The following SETDB1 variants were observed in gnomAD, a reference collection of about 807,000 sequenced individuals.
SETDB1 encodes the protein SET domain bifurcated histone lysine methyltransferase 1, also known as histone-lysine N-methyltransferase SETDB1.
SETDB1 carries 31 observed loss-of-function variants against 137.4 expected under a neutral mutation model. That is an observed-to-expected ratio of 0.23 (90% CI 0.17 to 0.30). The LOEUF is 0.30. Among genes scored for constraint, SETDB1 ranks in the 10% least tolerant of loss-of-function variants. The probability of loss-of-function intolerance (pLI) is 1.00; values close to 1 mark genes in which losing one functional copy is unlikely to be tolerated. For synonymous variants in SETDB1, 548 were observed against 579.9 expected (o/e 0.95, Z 0.79); for missense variants, 1,113 against 1,631.5 (o/e 0.68, Z 5.47).
intron 4 of SETDB1, among the ~76,000 whole-genome samples, chr1:150,940,261 G>T (rs1410424177): frequency 6.6e-6 from 1 of 151,978 alleles, no homozygotes; most frequent in Non-Finnish European, 1.5e-5. Flanking sequence ...TTTGAACTAG[G>T]TTTCTAAGCA....
chr1:150,934,631 G>A (rs1476472813), intron 3 of SETDB1, among the ~76,000 whole-genome samples: 2 of 152,022 alleles, frequency 1.3e-5, no homozygotes, highest in African/African-American at 2.4e-5. Context: ...GTTTAAAGAA[G>A]GTAAGGGAAG....
intron 3 of SETDB1, among the ~76,000 whole-genome samples, chr1:150,938,138 T>G (rs587722687): frequency 3.1e-4 from 47 of 151,920 alleles, no homozygotes; most frequent in Admixed American, 3.1e-3. Context: ...GAAGAATCAC[T>G]TGAACCCAGG....
chr1:150,962,918 C>A, intron 18 of SETDB1, 56 bp from the exon 19 acceptor site: 1 of 1,589,550 alleles, frequency 6.3e-7, no homozygotes, highest in Non-Finnish European at 8.6e-7. Flanking sequence ...ACAGCAAGGA[C>A]TTAAAGGAGC....
intron 3 of SETDB1, among the ~76,000 whole-genome samples, chr1:150,934,305 T>TA (rs1669878787): frequency 6.6e-6 from 1 of 152,042 alleles, no homozygotes; most frequent in South Asian, 2.1e-4. Context: ...ACCCCGTCTC[T>TA]ACTAAAAATA....
In SETDB1 at chr1:150,940,074, C is replaced by G. The variant is rs937977400; in HGVS notation, c.447+100C>G. ...ATCAGTTTAGCTGTCAGTATCTAAT[C>G]ATTCACCCTGTGATCAGCCCTTTGC... On this transcript the variant is annotated intron_variant, in intron 4 of 21. Coordinates refer to ENST00000692827, the MANE Select transcript of SETDB1 (RefSeq NM_001366418.1). 7.2e-5 allele frequency: 57 copies of G among 795,634 alleles called. No homozygotes were observed. In the African/African-American group the frequency reaches 8.0e-4, roughly 11 times the overall value. The allele number at this position is 795,634 out of a possible 1,614,324, so 49.3% of individuals were successfully genotyped here.
chr1:150,930,136 G>T lies in SETDB1; in HGVS notation c.412+18G>T, dbSNP rs1253935980. 1 of 1,605,110 alleles carries T rather than the reference G, an allele frequency of 6.2e-7. No homozygotes were observed. The highest frequency in any genetic ancestry group is 8.5e-7 in the Non-Finnish European group (1 of 1,174,174). ...TGATTCAGGTAAGGGATGAGCTTTG[G>T]ATAGGAGAGTCTCAGGACTGAAGTT... On this transcript the variant is annotated intron_variant, in intron 3 of 21. Coordinates refer to ENST00000692827, the MANE Select transcript of SETDB1 (RefSeq NM_001366418.1).
chr1:150,935,737 GTTGA>G (rs1329007529), intron 3 of SETDB1, among the ~76,000 whole-genome samples: 2 of 152,042 alleles, frequency 1.3e-5, no homozygotes, highest in Non-Finnish European at 2.9e-5. Context: ...AGATTCTCTT[GTTGA>G]TTAAGTATTA....
intron 14 of SETDB1, among the ~76,000 whole-genome samples, chr1:150,956,667 C>G (rs1374032800): frequency 6.6e-6 from 1 of 151,954 alleles, no homozygotes; most frequent in Non-Finnish European, 1.5e-5. Flanking sequence ...TATAGACTTA[C>G]GTGTACTTTC....
intron 9 of SETDB1, among the ~76,000 whole-genome samples, chr1:150,946,652 T>A (rs1323494819): frequency 3.3e-5 from 5 of 152,262 alleles, no homozygotes; most frequent in African/African-American, 9.6e-5. Context: ...TTCTCCATGT[T>A]GGTCAGGCTG....
chr1:150,933,304 C>T (rs1558011846), intron 3 of SETDB1, among the ~76,000 whole-genome samples: 1 of 151,758 alleles, frequency 6.6e-6, no homozygotes, highest in East Asian at 1.9e-4. Context: ...AGGCAATCCT[C>T]CTGCCTTGGC....
At chr1:150,963,193 T>C in intron 19 of SETDB1, 54 bp downstream of exon 19, 2 of 1,524,754 alleles carry the variant, frequency 1.3e-6, no homozygotes, top group Non-Finnish European at 9.0e-7. Flanking sequence ...AAACTTGGGA[T>C]AGAGCATTTT....
intron 3 of SETDB1, among the ~76,000 whole-genome samples, chr1:150,934,899 G>GCA (rs1215500388): frequency 6.6e-6 from 1 of 151,402 alleles, no homozygotes; most frequent in Non-Finnish European, 1.5e-5. Flanking sequence ...TCAGCTCACT[G>GCA]CATCCTCCAC....
chr1:150,939,843 C>T, intron 3 of SETDB1, 97 bp from the exon 4 acceptor site: 1 of 774,570 alleles, frequency 1.3e-6, no homozygotes, highest in Non-Finnish European at 2.2e-6. Flanking sequence ...GTTGATAATG[C>T]TCCCATAATA....
intron 4 of SETDB1, 126 bp from the exon 5 acceptor site, chr1:150,941,203 C>A (rs1023138493): frequency 5.0e-6 from 3 of 595,720 alleles, no homozygotes; most frequent in South Asian, 2.1e-5. Flanking sequence ...GATAAAGTAA[C>A]CATAAGCTTC....
At chr1:150,926,950 C>A in intron 1 of SETDB1, 1 of 432,480 alleles carries the variant, frequency 2.3e-6, no homozygotes. Flanking sequence ...ATAAGGGGAA[C>A]AAGTAATGAA....
intron 14 of SETDB1, among the ~76,000 whole-genome samples, chr1:150,956,506 C>A (rs1032715869): frequency 3.9e-5 from 6 of 152,152 alleles, no homozygotes; most frequent in African/African-American, 1.4e-4. Context: ...CCTGCCCCTA[C>A]TGAGCTGATC....
intron 3 of SETDB1, chr1:150,930,461 C>T (rs980657296): frequency 4.2e-5 from 7 of 165,640 alleles, no homozygotes; most frequent in East Asian, 1.7e-4. Context: ...TCTTGTAGCC[C>T]GCAACCGCAT....
intron 15 of SETDB1, among the ~76,000 whole-genome samples, chr1:150,960,130 T>C (rs942340992): frequency 3.3e-4 from 50 of 151,058 alleles, no homozygotes; most frequent in African/African-American, 1.2e-3. Flanking sequence ...GCTTTTTGAC[T>C]CTATATGCTG....
intron 3 of SETDB1, among the ~76,000 whole-genome samples, chr1:150,937,945 AG>A (rs1172307051): frequency 6.6e-6 from 1 of 152,158 alleles, no homozygotes; most frequent in Non-Finnish European, 1.5e-5. Context: ...AAAGGAATGA[AG>A]GGGCCAGTCA....
Sources: gnomAD v4.1 joint callset for allele counts (sites outside exome capture counted in the v4.1 genomes callset) on GRCh38, gnomAD v4.1.1 for gene constraint, MANE v1.5 for transcripts, NCBI Gene and HGNC (gene_info 2026-07-23, HGNC 2026-07-21) for gene names.